Variants in LDAH observed in about 807,000 individuals in gnomAD.
The protein encoded by LDAH is lipid droplet associated hydrolase, also known as lipid droplet-associated hydrolase.
LDAH carries 26 observed loss-of-function variants against 29.6 expected under a neutral mutation model. That is an observed-to-expected ratio of 0.88 (90% CI 0.64 to 1.22). LDAH has a LOEUF of 1.22. LDAH is among the 50% of genes most tolerant of loss of function. The probability of loss-of-function intolerance (pLI) is 0.00; values close to 1 mark genes in which losing one functional copy is unlikely to be tolerated. For synonymous variants in LDAH, 117 were observed against 133.0 expected (o/e 0.88, Z 0.83); for missense variants, 344 against 387.3 (o/e 0.89, Z 0.94).
intron 4 of LDAH, among the ~76,000 whole-genome samples, chr2:20,755,123 CTGTGTTTG>C (rs1456689794): frequency 0.074 from 6,378 of 85,770 alleles, 211 homozygotes; most frequent in African/African-American, 0.17. Flanking sequence ...TATTGTGTGT[CTGTGTTTG>C]TGTGTGTGTG....
intron 5 of LDAH, among the ~76,000 whole-genome samples, chr2:20,708,477 G>A (rs1044874597): frequency 2.6e-5 from 4 of 152,132 alleles, no homozygotes; most frequent in African/African-American, 9.7e-5. Flanking sequence ...CAGAATGTAA[G>A]CTATCCAATA....
intron 6 of LDAH, among the ~76,000 whole-genome samples, chr2:20,699,416 T>C (rs1663748560): frequency 6.6e-6 from 1 of 152,172 alleles, no homozygotes; most frequent in South Asian, 2.1e-4. Context: ...GACTGGGACA[T>C]ATGTTGATTC....
chr2:20,742,793 C>CTTT (rs71391767), intron 4 of LDAH, among the ~76,000 whole-genome samples: 1,427 of 114,380 alleles, frequency 0.012, 36 homozygotes, highest in African/African-American at 0.042. Context: ...TTTCTTTTTC[C>CTTT]TTTTTTTTTT....
At chr2:20,738,095 T>TA (rs1446935544) in intron 5 of LDAH, among the ~76,000 whole-genome samples, 1 of 150,256 alleles carries the variant, frequency 6.7e-6, no homozygotes, top group Non-Finnish European at 1.5e-5. Flanking sequence ...CTAAAAAAAA[T>TA]AAAAAAATTA....
At chr2:20,729,549 A>G (rs528705155) in intron 5 of LDAH, among the ~76,000 whole-genome samples, 1 of 152,268 alleles carries the variant, frequency 6.6e-6, no homozygotes, top group South Asian at 2.1e-4. Context: ...AACCTTCTCA[A>G]TGTCTCAAGG....
chr2:20,811,676 G>T (rs1196101752), intron 1 of LDAH, among the ~76,000 whole-genome samples: 1 of 151,392 alleles, frequency 6.6e-6, no homozygotes, highest in African/African-American at 2.4e-5. Flanking sequence ...AGTAGAGATG[G>T]GGTTTCACTG....
intron 1 of LDAH, among the ~76,000 whole-genome samples, chr2:20,814,362 T>G (rs1428903144): frequency 6.6e-6 from 1 of 152,182 alleles, no homozygotes; most frequent in East Asian, 1.9e-4. Flanking sequence ...TTAATTTTTG[T>G]TTTTTCTTAG....
chr2:20,773,233 C>T (rs1669553872), intron 4 of LDAH, among the ~76,000 whole-genome samples: 1 of 151,786 alleles, frequency 6.6e-6, no homozygotes, highest in African/African-American at 2.4e-5. Context: ...ACATATTATC[C>T]CCATTTTACA....
At chr2:20,791,760 T>C (rs971446378) in intron 2 of LDAH, among the ~76,000 whole-genome samples, 3 of 152,330 alleles carry the variant, frequency 2.0e-5, no homozygotes, top group Middle Eastern at 3.4e-3. Flanking sequence ...TCAGTAAGTT[T>C]AGAATACTTT....
At chr2:20,771,652 G>C (rs886588303) in intron 4 of LDAH, among the ~76,000 whole-genome samples, 1 of 152,028 alleles carries the variant, frequency 6.6e-6, no homozygotes, top group African/African-American at 2.4e-5. Context: ...GATGGGGTAG[G>C]GAATTTCAAC....
rs1672385645 is a variant in LDAH, at chr2:20,810,379, T to G, written c.-2-8914A>C. 2.0e-5 allele frequency among the ~76,000 whole-genome samples: 3 copies of G among 152,214 alleles called. No homozygotes were observed. The South Asian group carries it at 6.2e-4, about 32-fold the overall frequency. ...AGTACCAGATTAAAGTTGTATCACC[T>G]TTTATGACCTACCCTCAAAAGTCAC... is the stretch of plus-strand genomic sequence containing the variant. On this transcript the variant is annotated intron_variant, in intron 1 of 6. Coordinates refer to ENST00000237822, the MANE Select transcript of LDAH (RefSeq NM_021925.4).
intron 5 of LDAH, among the ~76,000 whole-genome samples, chr2:20,718,089 A>G (rs1665352097): frequency 6.6e-6 from 1 of 152,236 alleles, no homozygotes; most frequent in Non-Finnish European, 1.5e-5. Flanking sequence ...ACCACAAATA[A>G]AGAGAGTAAG....
At position 20,771,875 on chromosome 2, in the gene LDAH, C is replaced by G. The variant is rs149550058; in HGVS notation, c.468+2935G>C. On this transcript the variant is annotated intron_variant, in intron 4 of 6. Transcript: ENST00000237822. Reference sequence around the variant, plus strand: ...GAAGATAAAACACAGCTTCACATATCTTTCTGAAAACTCTATAATCAGTTT... The same window carrying G: ...GAAGATAAAACACAGCTTCACATATGTTTCTGAAAACTCTATAATCAGTTT... Among the ~76,000 whole-genome samples, 52 of 152,226 alleles carry G rather than the reference C, an allele frequency of 3.4e-4. No homozygotes were observed. The East Asian group carries it at 6.6e-3, about 19-fold the overall frequency.
chr2:20,786,277 C>T (rs1407435855), intron 3 of LDAH, among the ~76,000 whole-genome samples: 2 of 152,116 alleles, frequency 1.3e-5, no homozygotes, highest in African/African-American at 2.4e-5. Context: ...GCAACCTCTG[C>T]CTCCCGGGTT....
chr2:20,717,538 T>C (rs1665308483), intron 5 of LDAH, among the ~76,000 whole-genome samples: 1 of 152,208 alleles, frequency 6.6e-6, no homozygotes, highest in South Asian at 2.1e-4. Flanking sequence ...CAATATGATA[T>C]ATGCTGGAGT....
chr2:20,686,961 T>C lies in LDAH; in HGVS notation c.920A>G (p.Asn307Ser). ...AGCAATCATGTCTGCCATTTCCTGG[T>C]TAAAATGGGTGATGAAAGCATGAGG... ...NIPHAFITHF[N>S]QEMADMIADS... is the part of the protein sequence containing the mutation. The change falls in exon 7 of 7, where the codon AAC (asparagine) becomes AGC (serine). Residue 307 changes from asparagine to serine, a missense_variant. Coordinates refer to ENST00000237822, the MANE Select transcript of LDAH (RefSeq NM_021925.4). The C allele has an allele frequency of 1.2e-6, 2 of 1,614,128 alleles. No individual in the cohort carries two copies. The highest frequency in any genetic ancestry group is 1.7e-6 in the Non-Finnish European group (2 of 1,179,998).
At chr2:20,730,464 C>T (rs1666321787) in intron 5 of LDAH, among the ~76,000 whole-genome samples, 1 of 151,954 alleles carries the variant, frequency 6.6e-6, no homozygotes, top group Non-Finnish European at 1.5e-5. Flanking sequence ...TGCATCCTTA[C>T]CAGCATTTAT....
chr2:20,746,333 C>G (rs1431200837), intron 4 of LDAH, among the ~76,000 whole-genome samples: 1 of 152,100 alleles, frequency 6.6e-6, no homozygotes, highest in Non-Finnish European at 1.5e-5. Flanking sequence ...AAGGGAAACT[C>G]TAAAAATATA....
At chr2:20,740,230 T>A (rs148316888) in intron 4 of LDAH, 25 bp from the exon 5 acceptor site, 1 of 1,509,670 alleles carries the variant, frequency 6.6e-7, no homozygotes, top group African/African-American at 1.4e-5. Flanking sequence ...CATACTTTGA[T>A]GAGAGGTTTT....
Sources: gnomAD v4.1 joint callset for allele counts (sites outside exome capture counted in the v4.1 genomes callset) on GRCh38, gnomAD v4.1.1 for gene constraint, MANE v1.5 for transcripts, NCBI Gene and HGNC (gene_info 2026-07-23, HGNC 2026-07-21) for gene names.